The following NFIB variants were observed in gnomAD, a reference collection of about 807,000 sequenced individuals.
NFIB encodes nuclear factor 1 B-type.
NFIB carries 11 observed loss-of-function variants against 61.5 expected under a neutral mutation model. The observed-to-expected ratio is 0.18, with a 90% confidence interval of 0.11 to 0.30. NFIB has a LOEUF of 0.30. NFIB is among the 10% of genes least tolerant of loss of function. The pLI, the probability that NFIB is intolerant of heterozygous loss-of-function variation, is 1.00. For missense variants in NFIB, 471 were observed against 608.9 expected (o/e 0.77, Z 2.38); for synonymous variants, 260 against 216.5 (o/e 1.20, Z -1.76).
Position 14,084,802 on chromosome 9 carries a change from A to ATT in NFIB, c.*3505_*3506dup, listed in dbSNP as rs1228892306. 2 of 228,280 alleles carry ATT rather than the reference A, an allele frequency of 8.8e-6. No homozygotes were observed. The highest frequency in any genetic ancestry group is 1.7e-5 in the Non-Finnish European group (2 of 115,006). The allele number at this position is 228,280 out of a possible 1,614,324, so 14.1% of individuals were successfully genotyped here. On this transcript the variant is annotated 3_prime_UTR_variant, in exon 11 of 11. Transcript: ENST00000380953. ...GAGGAGGCCGAAAAGTTGATTTGAG[A>ATT]TTTTATATATATAGTAGTACTTTTA...
chr9:14,509,909 G>C, the NFIB span, among the ~76,000 whole-genome samples: 1 of 152,128 alleles, frequency 6.6e-6, no homozygotes, highest in Non-Finnish European at 1.5e-5. Context: ...GTTTCGTTCA[G>C]TTTTTGAGAC....
chr9:14,273,708 C>T (rs1214775181), intron 2 of NFIB, among the ~76,000 whole-genome samples: 2 of 152,176 alleles, frequency 1.3e-5, no homozygotes, highest in East Asian at 3.8e-4. Flanking sequence ...TCAGCAGTTT[C>T]CAGATCATAC....
At chr9:14,157,200 G>A (rs889588971) in intron 3 of NFIB, among the ~76,000 whole-genome samples, 1 of 152,184 alleles carries the variant, frequency 6.6e-6, no homozygotes, top group Non-Finnish European at 1.5e-5. Context: ...AGTGGAACCT[G>A]CGATCAGCTA....
intron 1 of NFIB, among the ~76,000 whole-genome samples, chr9:14,351,778 C>G (rs1387587333): frequency 6.6e-6 from 1 of 152,182 alleles, no homozygotes; most frequent in Non-Finnish European, 1.5e-5. Flanking sequence ...GTTGTCCTGT[C>G]CTTCTCACCA....
At chr9:14,204,462 A>T in intron 2 of NFIB, 1 of 1,047,790 alleles carries the variant, frequency 9.5e-7, no homozygotes, top group Non-Finnish European at 1.5e-6. Context: ...ATCCTCTATA[A>T]GCGACTGAAA....
At chr9:14,199,405 T>A (rs1016974417) in intron 2 of NFIB, among the ~76,000 whole-genome samples, 6 of 152,148 alleles carry the variant, frequency 3.9e-5, no homozygotes, top group South Asian at 4.1e-4. Flanking sequence ...CCGGCTACAG[T>A]GTACATCCTC....
chr9:14,206,013 G>A (rs1015855617), intron 2 of NFIB, among the ~76,000 whole-genome samples: 5 of 151,912 alleles, frequency 3.3e-5, no homozygotes, highest in African/African-American at 7.3e-5. Context: ...TTATGTTTCT[G>A]CGTAAAAGAC....
the NFIB span, among the ~76,000 whole-genome samples, chr9:14,518,974 G>A: frequency 6.6e-6 from 1 of 152,122 alleles, no homozygotes; most frequent in Middle Eastern, 3.2e-3. Context: ...CAGTTGCCTG[G>A]AGCCATTATT....
At position 14,150,779 on chromosome 9, in the gene NFIB, C is replaced by A. The variant is rs1563837852; in HGVS notation, c.686-514G>T. 2.6e-5 allele frequency among the ~76,000 whole-genome samples: 4 copies of A among 151,998 alleles called. No individual in the cohort carries two copies. In the South Asian group the frequency reaches 6.2e-4, roughly 24 times the overall value. On this transcript the variant is annotated intron_variant, in intron 4 of 10. Transcript: ENST00000380953. Reference sequence around the variant, plus strand: ...AATTATTAATATCATGACTTCTAATCCACTCAAATATTAATGTTGATATTA... The same window carrying A: ...AATTATTAATATCATGACTTCTAATACACTCAAATATTAATGTTGATATTA...
chr9:14,525,673 C>T, the NFIB span, among the ~76,000 whole-genome samples: 5 of 152,194 alleles, frequency 3.3e-5, no homozygotes, highest in South Asian at 6.2e-4. Context: ...GAAAATATTT[C>T]AGGAGTCTCT....
chr9:14,273,366 C>T (rs947502505), intron 2 of NFIB, among the ~76,000 whole-genome samples: 1 of 152,070 alleles, frequency 6.6e-6, no homozygotes, highest in Non-Finnish European at 1.5e-5. Flanking sequence ...GAGTTAATGC[C>T]TCCCTTCTCA....
At chr9:14,228,757 G>C (rs1245683161) in intron 2 of NFIB, among the ~76,000 whole-genome samples, 1 of 152,132 alleles carries the variant, frequency 6.6e-6, no homozygotes, top group Non-Finnish European at 1.5e-5. Flanking sequence ...GTCCATCTGA[G>C]ATGTCTCTTT....
intron 1 of NFIB, among the ~76,000 whole-genome samples, chr9:14,363,305 C>T (rs1297187573): frequency 6.6e-6 from 1 of 152,142 alleles, no homozygotes; most frequent in East Asian, 1.9e-4. Flanking sequence ...GGCAGTGGTT[C>T]AAAAACTGGC....
chr9:14,201,012 C>T (rs1187613873), intron 2 of NFIB, among the ~76,000 whole-genome samples: 4 of 152,124 alleles, frequency 2.6e-5, no homozygotes, highest in South Asian at 2.1e-4. Flanking sequence ...ACCCCAACTC[C>T]CCAAAGCTTC....
the NFIB span, among the ~76,000 whole-genome samples, chr9:14,523,177 G>T: frequency 6.6e-6 from 1 of 152,032 alleles, no homozygotes; most frequent in Admixed American, 6.6e-5. Flanking sequence ...GAGTAGGGCA[G>T]GTGACTTTTC....
chr9:14,129,404 C>CAAAAAAAAAAAAAAAAAAAAAA (rs1037738328), intron 6 of NFIB, among the ~76,000 whole-genome samples: 1 of 133,210 alleles, frequency 7.5e-6, no homozygotes, highest in Non-Finnish European at 1.6e-5. Flanking sequence ...AAAAAAAAGA[C>CAAAAAAAAAAAAAAAAAAAAAA]AAAAAAACAA....
At chr9:14,292,713 T>C (rs1380065858) in intron 2 of NFIB, among the ~76,000 whole-genome samples, 3 of 152,180 alleles carry the variant, frequency 2.0e-5, no homozygotes, top group Non-Finnish European at 4.4e-5. Context: ...CTTCAATCAC[T>C]ATATGGCGTA....
chr9:14,445,862 C>G, the NFIB span, among the ~76,000 whole-genome samples: 1 of 152,100 alleles, frequency 6.6e-6, no homozygotes. Context: ...CTTCTTGCAT[C>G]TTTGATGTTT....
the NFIB span, among the ~76,000 whole-genome samples, chr9:14,404,667 G>T: frequency 1.3e-5 from 2 of 152,268 alleles, no homozygotes; most frequent in African/African-American, 2.4e-5. Flanking sequence ...TGCAAATAAG[G>T]GAGTAGGCCT....
Sources: allele counts gnomAD v4.1 joint callset (sites outside exome capture counted in the v4.1 genomes callset), GRCh38; gene constraint gnomAD v4.1.1; transcripts MANE v1.5; gene names NCBI Gene and HGNC (gene_info 2026-07-23, HGNC 2026-07-21).